PUS7: variants seen among roughly 807,000 people sequenced by gnomAD.
PUS7 encodes pseudouridine synthase 7.
In PUS7, 48 loss-of-function variants were observed where a neutral mutation model predicts 79.8. The ratio of observed to expected loss-of-function variants is 0.60; its 90% confidence interval spans 0.48 to 0.76. The LOEUF (loss-of-function observed/expected upper bound fraction) is 0.76. PUS7 is among the 30% of genes least tolerant of loss of function. The probability of loss-of-function intolerance (pLI) is 0.00; values close to 1 mark genes in which losing one functional copy is unlikely to be tolerated. For missense variants in PUS7, 729 were observed against 797.6 expected, an observed-to-expected ratio of 0.91 and a Z score of 1.04; for synonymous variants, 286 against 272.2, an observed-to-expected ratio of 1.05 and a Z score of -0.50.
At chr7:105,512,792 G>C (rs1825750884) in intron 1 of PUS7, among the ~76,000 whole-genome samples, 1 of 152,188 alleles carries the variant, frequency 6.6e-6, no homozygotes, top group South Asian at 2.1e-4. Context: ...GGTTAGGCTG[G>C]AAGACCAGGT....
chr7:105,517,836 GTC>G (rs1825954094), intron 1 of PUS7, among the ~76,000 whole-genome samples: 1 of 152,034 alleles, frequency 6.6e-6, no homozygotes, highest in South Asian at 2.1e-4. Flanking sequence ...GTGGGACCAT[GTC>G]TCTGCAAAAA....
Position 105,459,234 on chromosome 7 carries a change from T to G in PUS7, c.1783A>C (p.Lys595Gln). 6.2e-7 allele frequency: 1 copy of G among 1,611,460 alleles called. No homozygotes were observed. ...SWEVVAYDDP[K>Q]IPLFNTDVDN... ...ACATCTGTGTTGAAAAGTGGAATTT[T>G]GGGATCATCATATGCAACGACTTCC... The change falls in exon 15 of 16, where the codon AAA (lysine) becomes CAA (glutamine). Residue 595 changes from lysine (K) to glutamine (Q), a missense_variant. Physicochemically the swap from Lys to Gln is moderately conservative, Grantham distance 53. Coordinates refer to ENST00000469408, the MANE Select transcript of PUS7 (RefSeq NM_019042.5).
At chr7:105,465,271 G>C (rs748867536) in intron 13 of PUS7, 42 bp downstream of exon 13, 3 of 1,404,450 alleles carry the variant, frequency 2.1e-6, no homozygotes, top group Middle Eastern at 1.8e-4. Context: ...GCTTCATTAT[G>C]TTAAACTTGT....
chr7:105,482,451 A>G lies in PUS7; in HGVS notation c.921-11T>C. 1 of 1,580,922 alleles carries G rather than the reference A, an allele frequency of 6.3e-7. No homozygotes were observed. The highest frequency in any genetic ancestry group is 8.5e-7 in the Non-Finnish European group (1 of 1,170,322). On this transcript the variant is annotated splice_polypyrimidine_tract_variant and intron_variant, in intron 7 of 15. Transcript: ENST00000469408. ...CTTTGTGCAGTTATTCTTTAAAAAA[A>G]AAAAAAAAAGCAACAAAACAAAAAA... is the stretch of plus-strand genomic sequence containing the variant.
rs186704483 is a variant in PUS7, at chr7:105,506,088, T to G, written c.484-32A>C. The G allele has an allele frequency of 4.3e-4, 678 of 1,585,420 alleles. 4 individuals carry two copies. In the East Asian group the frequency reaches 0.01, roughly 24 times the overall value. On this transcript the variant is annotated intron_variant, in intron 3 of 15. Transcript: ENST00000469408. The stretch of plus-strand genomic sequence containing the variant: ...AATAACCATGAGAACTCACAATGAA[T>G]CATACATAGAATTCAAGTTTAATAA...
intron 1 of PUS7, among the ~76,000 whole-genome samples, chr7:105,513,462 A>G (rs1382295867): frequency 2.6e-5 from 4 of 152,218 alleles, no homozygotes; most frequent in African/African-American, 7.2e-5. Flanking sequence ...TGTAAAAGTA[A>G]AATATGATGA....
chr7:105,480,415 C>T (rs959161904), intron 9 of PUS7, among the ~76,000 whole-genome samples: 5 of 152,090 alleles, frequency 3.3e-5, no homozygotes, highest in African/African-American at 1.2e-4. Flanking sequence ...GTGGAGATTG[C>T]AGTGAGCCAA....
intron 2 of PUS7, 66 bp from the exon 3 acceptor site, chr7:105,506,339 G>T: frequency 8.6e-7 from 1 of 1,166,108 alleles, no homozygotes; most frequent in Non-Finnish European, 1.3e-6. Context: ...TTAAGATAAA[G>T]TTGATCAACA....
intron 9 of PUS7, among the ~76,000 whole-genome samples, chr7:105,474,808 ACCTTT>A (rs1824022996): frequency 2.0e-5 from 3 of 151,918 alleles, no homozygotes; most frequent in Non-Finnish European, 4.4e-5. Context: ...AAACAAAAAA[ACCTTT>A]GTTAAATATC....
In PUS7 at chr7:105,508,556, G is replaced by C. The variant is rs775278432; in HGVS notation, c.-32-12C>G. The C allele has an allele frequency of 1.6e-5, 25 of 1,579,178 alleles. No individual in the cohort carries two copies. The South Asian group carries it at 2.0e-4, about 13-fold the overall frequency. On this transcript the variant is annotated splice_polypyrimidine_tract_variant and intron_variant, in intron 1 of 15. Transcript: ENST00000469408. ...ACATTTAAGAAAACCTGTTAGGAAAGAGTAGAAAGTAACAATCACCTATAT... is the reference window on the plus strand; with the variant it reads ...ACATTTAAGAAAACCTGTTAGGAAACAGTAGAAAGTAACAATCACCTATAT...
Position 105,456,842 on chromosome 7 carries a change from A to T in PUS7, c.*948T>A, listed in dbSNP as rs1476681675. On this transcript the variant is annotated 3_prime_UTR_variant, in exon 16 of 16. Coordinates refer to ENST00000469408, the MANE Select transcript of PUS7 (RefSeq NM_019042.5). The stretch of plus-strand genomic sequence containing the variant: ...AACATAAAAGGCACCTAGAGTAAAA[A>T]TTAGACCTTAACTAATAAAACAGCT... The T allele has an allele frequency of 1.3e-5, 2 of 152,176 alleles. No individual in the cohort carries two copies. Among genetic ancestry groups the T allele is most frequent in the Non-Finnish European group, 2.9e-5 (2 of 68,042 alleles). The allele number at this position is 152,176 out of a possible 1,614,324, so 9.4% of individuals were successfully genotyped here.
chr7:105,480,498 T>A (rs762645267), intron 9 of PUS7, among the ~76,000 whole-genome samples: 3 of 151,784 alleles, frequency 2.0e-5, no homozygotes, highest in Non-Finnish European at 2.9e-5. Context: ...AAAAAATAGC[T>A]GGGTGTGGAG....
chr7:105,519,614 G>T (rs1178896445), intron 1 of PUS7, among the ~76,000 whole-genome samples: 1 of 152,190 alleles, frequency 6.6e-6, no homozygotes, highest in East Asian at 1.9e-4. Flanking sequence ...AATATTTACT[G>T]AGCAAGTGTC....
At chr7:105,513,875 A>G (rs1268063740) in intron 1 of PUS7, among the ~76,000 whole-genome samples, 1 of 141,906 alleles carries the variant, frequency 7.0e-6, no homozygotes, top group African/African-American at 2.5e-5. Flanking sequence ...GATGATTTAC[A>G]TAGCTGAACT....
chr7:105,467,341 A>G (rs535700030), intron 12 of PUS7, among the ~76,000 whole-genome samples: 166 of 150,382 alleles, frequency 1.1e-3, no homozygotes, highest in South Asian at 3.4e-3. Context: ...CCAGGCTGGA[A>G]TGCAGTGGTG....
chr7:105,499,169 A>G (rs1033638842), intron 5 of PUS7, among the ~76,000 whole-genome samples: 1 of 152,198 alleles, frequency 6.6e-6, no homozygotes, highest in Non-Finnish European at 1.5e-5. Flanking sequence ...AAACTGATAG[A>G]CAGGTTTCAG....
At position 105,506,097 on chromosome 7, in the gene PUS7, G is replaced by C. The variant is rs367688647; in HGVS notation, c.484-41C>G. 1.0e-5 allele frequency: 16 copies of C among 1,576,542 alleles called. No individual in the cohort carries two copies. The African/African-American group carries it at 1.9e-4, about 19-fold the overall frequency. On this transcript the variant is annotated intron_variant, in intron 3 of 15. Coordinates refer to ENST00000469408, the MANE Select transcript of PUS7 (RefSeq NM_019042.5). ...GAGAACTCACAATGAATCATACATA[G>C]AATTCAAGTTTAATAAAGCTCTATA... is the stretch of plus-strand genomic sequence containing the variant.
At chr7:105,488,726 C>T (rs1458371427) in intron 7 of PUS7, among the ~76,000 whole-genome samples, 1 of 152,104 alleles carries the variant, frequency 6.6e-6, no homozygotes, top group Non-Finnish European at 1.5e-5. Context: ...AATAAGAATA[C>T]ATAAGTATTG....
At chr7:105,491,229 A>T (rs1259924036) in intron 7 of PUS7, among the ~76,000 whole-genome samples, 1 of 152,224 alleles carries the variant, frequency 6.6e-6, no homozygotes, top group African/African-American at 2.4e-5. Flanking sequence ...TTTTATCTGT[A>T]GCTCTCGGGT....
Sources: gnomAD v4.1 joint callset for allele counts (sites outside exome capture counted in the v4.1 genomes callset) on GRCh38, gnomAD v4.1.1 for gene constraint, MANE v1.5 for transcripts, NCBI Gene and HGNC (gene_info 2026-07-23, HGNC 2026-07-21) for gene names.